FOXN2: variants seen among roughly 807,000 people sequenced by gnomAD.
FOXN2 encodes forkhead box N2, also known as forkhead box protein N2.
FOXN2 carries 19 observed loss-of-function variants against 41.2 expected under a neutral mutation model. The observed-to-expected ratio is 0.46, with a 90% confidence interval of 0.32 to 0.68. The LOEUF (loss-of-function observed/expected upper bound fraction) is 0.68, where lower values mean the gene tolerates loss of function less well. Ranked by LOEUF, FOXN2 falls within the 30% of genes least tolerant of loss-of-function variation. The pLI, the probability that FOXN2 is intolerant of heterozygous loss-of-function variation, is 0.03. For synonymous variants in FOXN2, 195 were observed against 176.8 expected, an observed-to-expected ratio of 1.10 and a Z score of -0.82; for missense variants, 587 against 509.4, an observed-to-expected ratio of 1.15 and a Z score of -1.47.
At chr2:48,324,112 G>C (rs1013749780) in intron 1 of FOXN2, among the ~76,000 whole-genome samples, 3 of 151,740 alleles carry the variant, frequency 2.0e-5, no homozygotes, top group Non-Finnish European at 2.9e-5. Context: ...CTGAAATTTA[G>C]AAAGTGAAAA....
chr2:48,336,220 A>G lies in FOXN2; in HGVS notation c.-15+7518A>G, dbSNP rs888749223. Among the ~76,000 whole-genome samples, 48 of 151,554 alleles carry G rather than the reference A, an allele frequency of 3.2e-4. 1 individual carries two copies. Among genetic ancestry groups the G allele is most frequent in the African/African-American group, 1.0e-3 (43 of 41,074 alleles). ...GGAGTTCAAGACCAGCCTGGCCAACATGGTGAAACCCAGTGTCTACCAAAA... is the reference window on the plus strand; with the variant it reads ...GGAGTTCAAGACCAGCCTGGCCAACGTGGTGAAACCCAGTGTCTACCAAAA... On this transcript the variant is annotated intron_variant, in intron 2 of 6. Coordinates refer to ENST00000340553, the MANE Select transcript of FOXN2 (RefSeq NM_002158.4).
chr2:48,328,529 T>C (rs1289221929), intron 1 of FOXN2, 32 bp from the exon 2 acceptor site: 1 of 151,774 alleles, frequency 6.6e-6, no homozygotes, highest in Non-Finnish European at 1.5e-5. Flanking sequence ...ACAACCAACC[T>C]TTTTTTCCCC....
intron 3 of FOXN2, among the ~76,000 whole-genome samples, chr2:48,350,918 G>C (rs535424997): frequency 1.3e-5 from 2 of 152,210 alleles, no homozygotes; most frequent in East Asian, 3.9e-4. Context: ...AAAAGTAAGA[G>C]TTCATATGTT....
chr2:48,336,716 C>T lies in FOXN2; in HGVS notation c.-15+8014C>T, dbSNP rs551841786. 2.5e-3 allele frequency among the ~76,000 whole-genome samples: 372 copies of T among 151,788 alleles called. 1 individual carries two copies. Among genetic ancestry groups the T allele is most frequent in the Non-Finnish European group, 4.0e-3 (271 of 67,922 alleles). On this transcript the variant is annotated intron_variant, in intron 2 of 6. Transcript: ENST00000340553. ...CCAAATACATGTATGCCTTTAAAAA[C>T]AATATTCATGTATATGGGGTTTAGG...
chr2:48,355,859 A>G lies in FOXN2; in HGVS notation c.538-3188A>G, dbSNP rs527442568. Among the ~76,000 whole-genome samples the G allele has an allele frequency of 2.6e-5, 4 of 152,332 alleles. No homozygotes were observed. The South Asian group carries it at 8.3e-4, about 32-fold the overall frequency. ...TTACTACTCTGAAAAGACAGGTCTA[A>G]CAATCCTGGTTTGGTATTTATTTGT... On this transcript the variant is annotated intron_variant, in intron 3 of 6. Transcript: ENST00000340553.
In FOXN2 at chr2:48,330,080, G is replaced by A. The variant is rs75935728; in HGVS notation, c.-15+1378G>A. On this transcript the variant is annotated intron_variant, in intron 2 of 6. Transcript: ENST00000340553. ...AAAAAAAATAAATAAATAAAAAATT[G>A]TTTTCCTTTTTAAAAATGAGGTAGT... Among the ~76,000 whole-genome samples, 911 of 151,888 alleles carry A rather than the reference G, an allele frequency of 6.0e-3. 14 individuals carry two copies. Among genetic ancestry groups the A allele is most frequent in the African/African-American group, 0.021 (862 of 41,474 alleles).
At chr2:48,321,337 C>T (rs919608516) in intron 1 of FOXN2, among the ~76,000 whole-genome samples, 4 of 152,116 alleles carry the variant, frequency 2.6e-5, no homozygotes, top group Non-Finnish European at 4.4e-5. Context: ...AGATCGAGAC[C>T]GTCTGGCTAA....
intron 3 of FOXN2, among the ~76,000 whole-genome samples, chr2:48,356,953 T>C (rs556572853): frequency 6.6e-6 from 1 of 152,352 alleles, no homozygotes; most frequent in African/African-American, 2.4e-5. Context: ...TATTTTGTTA[T>C]AGGCAAATTT....
intron 4 of FOXN2, among the ~76,000 whole-genome samples, chr2:48,361,649 G>A (rs770463182): frequency 8.6e-5 from 13 of 152,030 alleles, no homozygotes; most frequent in Admixed American, 4.6e-4. Flanking sequence ...AAAAGAGTGA[G>A]ATACAGTATA....
chr2:48,329,463 A>C (rs1393950006), intron 2 of FOXN2, among the ~76,000 whole-genome samples: 1 of 152,030 alleles, frequency 6.6e-6, no homozygotes, highest in African/African-American at 2.4e-5. Flanking sequence ...TTTGAGAAGC[A>C]ATTTCTCCAT....
intron 2 of FOXN2, among the ~76,000 whole-genome samples, chr2:48,329,162 G>A (rs1669869811): frequency 1.3e-5 from 2 of 152,130 alleles, no homozygotes; most frequent in African/African-American, 4.8e-5. Flanking sequence ...CCCCAAGAAA[G>A]AGACGAATGA....
intron 3 of FOXN2, among the ~76,000 whole-genome samples, chr2:48,348,469 T>C (rs1671252787): frequency 6.6e-6 from 1 of 152,240 alleles, no homozygotes; most frequent in Admixed American, 6.5e-5. Flanking sequence ...AGTTTCAATA[T>C]CTGGTCCATC....
At chr2:48,341,962 G>A (rs983598805) in intron 2 of FOXN2, among the ~76,000 whole-genome samples, 1 of 152,152 alleles carries the variant, frequency 6.6e-6, no homozygotes, top group African/African-American at 2.4e-5. Context: ...TTTTTGACTT[G>A]AGCTCTCTGA....
At chr2:48,334,847 A>T (rs927455194) in intron 2 of FOXN2, among the ~76,000 whole-genome samples, 1 of 152,190 alleles carries the variant, frequency 6.6e-6, no homozygotes, top group African/African-American at 2.4e-5. Context: ...TTATGCCCCC[A>T]GGGTTTCTAC....
intron 5 of FOXN2, among the ~76,000 whole-genome samples, chr2:48,367,576 A>G (rs1157938793): frequency 6.6e-6 from 1 of 152,244 alleles, no homozygotes; most frequent in Non-Finnish European, 1.5e-5. Context: ...CTGCAAATGT[A>G]TATATTAGTT....
intron 1 of FOXN2, among the ~76,000 whole-genome samples, chr2:48,319,967 G>C (rs146269663): frequency 3.1e-4 from 47 of 151,768 alleles, no homozygotes; most frequent in African/African-American, 1.1e-3. Context: ...TACAGGGTTA[G>C]TGTGGTTATT....
At chr2:48,351,157 TTGCCATGC>T (rs1032432951) in intron 3 of FOXN2, among the ~76,000 whole-genome samples, 3 of 152,082 alleles carry the variant, frequency 2.0e-5, no homozygotes, top group Non-Finnish European at 4.4e-5. Context: ...AGACAGGGTT[TTGCCATGC>T]TGCCCAGGCT....
At chr2:48,358,051 C>G (rs562448044) in intron 3 of FOXN2, among the ~76,000 whole-genome samples, 12 of 152,162 alleles carry the variant, frequency 7.9e-5, no homozygotes, top group African/African-American at 2.7e-4. Flanking sequence ...AACTGCCTTA[C>G]ACTCAATTGC....
At chr2:48,355,217 G>T (rs371301318) in intron 3 of FOXN2, among the ~76,000 whole-genome samples, 1 of 152,128 alleles carries the variant, frequency 6.6e-6, no homozygotes, top group Non-Finnish European at 1.5e-5. Flanking sequence ...ATTTTTAAAT[G>T]TATACATTTT....
Sources: gnomAD v4.1 joint callset for allele counts (sites outside exome capture counted in the v4.1 genomes callset) on GRCh38, gnomAD v4.1.1 for gene constraint, MANE v1.5 for transcripts, NCBI Gene and HGNC (gene_info 2026-07-23, HGNC 2026-07-21) for gene names.